The following PCDHGA3 variants were observed in gnomAD, a reference collection of about 807,000 sequenced individuals.
PCDHGA3 encodes protocadherin gamma subfamily A, 3, also known as protocadherin gamma-A3.
A neutral mutation model predicts 58.5 loss-of-function variants in PCDHGA3; 40 were observed. The observed-to-expected ratio is 0.68, with a 90% CI of 0.53 to 0.89. The LOEUF is 0.89. Among genes scored for constraint, PCDHGA3 ranks in the 40% least tolerant of loss-of-function variants. The probability of loss-of-function intolerance (pLI) is 0.00; values close to 1 mark genes in which losing one functional copy is unlikely to be tolerated. For missense variants in PCDHGA3, 1,223 were observed against 1,195.9 expected, an observed-to-expected ratio of 1.02 and a Z score of -0.33; for synonymous variants, 530 against 525.7, an observed-to-expected ratio of 1.01 and a Z score of -0.11.
chr5:141,389,790 G>C (rs1328126483), intron 1 of PCDHGA3: 1 of 1,613,470 alleles, frequency 6.2e-7, no homozygotes, highest in South Asian at 1.1e-5. Context: ...CAGGGACGCC[G>C]TCCGCCAGCG....
At chr5:141,356,726 C>G (rs1209862693) in intron 1 of PCDHGA3, 5 of 1,614,024 alleles carry the variant, frequency 3.1e-6, no homozygotes, top group Admixed American at 1.7e-5. Flanking sequence ...TCCATCAACT[C>G]CAATACAGGG....
chr5:141,499,418 A>G (rs143234735), intron 2 of PCDHGA3, among the ~76,000 whole-genome samples: 1 of 152,296 alleles, frequency 6.6e-6, no homozygotes, highest in East Asian at 1.9e-4. Context: ...GAAACATGAA[A>G]AATAGAAAAA....
At chr5:141,366,832 G>C in intron 1 of PCDHGA3, 1 of 1,518,404 alleles carries the variant, frequency 6.6e-7, no homozygotes, top group South Asian at 1.3e-5. Flanking sequence ...TTCAGAATCA[G>C]CTAGTTATGT....
Position 141,405,224 on chromosome 5 carries a change from T to C in PCDHGA3, c.2424+58767T>C, listed in dbSNP as rs542102197. Reference sequence around the variant, plus strand: ...CCTACAGACCTATTCTCAGGAGTTCTCCCTCACCGCTGACTCAAGGAAGAG... The same window carrying C: ...CCTACAGACCTATTCTCAGGAGTTCCCCCTCACCGCTGACTCAAGGAAGAG... On this transcript the variant is annotated intron_variant, in intron 1 of 3. Coordinates refer to ENST00000253812, the MANE Select transcript of PCDHGA3 (RefSeq NM_018916.4). The C allele has an allele frequency of 2.6e-5, 42 of 1,614,036 alleles. No homozygotes were observed. The African/African-American group carries it at 4.7e-4, about 18-fold the overall frequency.
Position 141,351,853 on chromosome 5 carries a change from G to C in PCDHGA3, c.2424+5396G>C, listed in dbSNP as rs563575027. ...CCTTCGAGCTCACACTGCAGGCCAG[G>C]GACCAGGGCTCCCCCGCGCTCAGCG... On this transcript the variant is annotated intron_variant, in intron 1 of 3. Transcript: ENST00000253812. 682 of 1,613,028 alleles carry C rather than the reference G, an allele frequency of 4.2e-4. 6 individuals are homozygous for C. The Middle Eastern group carries it at 7.5e-3, about 18-fold the overall frequency.
intron 2 of PCDHGA3, among the ~76,000 whole-genome samples, chr5:141,498,394 A>G (rs1043900807): frequency 6.6e-6 from 1 of 152,096 alleles, no homozygotes; most frequent in Non-Finnish European, 1.5e-5. Flanking sequence ...AGGGAATGGC[A>G]GGGAGTTTTC....
At chr5:141,509,805 G>A (rs150684746) in intron 3 of PCDHGA3, among the ~76,000 whole-genome samples, 2 of 152,248 alleles carry the variant, frequency 1.3e-5, no homozygotes, top group Middle Eastern at 3.4e-3. Flanking sequence ...GCTTCATAGA[G>A]CCGAGCTCTT....
At chr5:141,471,492 G>A (rs912591449) in intron 1 of PCDHGA3, 1 of 152,176 alleles carries the variant, frequency 6.6e-6, no homozygotes, top group Non-Finnish European at 1.5e-5. Context: ...GGAATTTAGG[G>A]AATGCAAGAG....
At chr5:141,416,287 T>A (rs2096012467) in intron 1 of PCDHGA3, 1 of 152,276 alleles carries the variant, frequency 6.6e-6, no homozygotes, top group Admixed American at 6.5e-5. Flanking sequence ...ATTCTCTAAT[T>A]TCACACTGCT....
intron 1 of PCDHGA3, among the ~76,000 whole-genome samples, chr5:141,401,638 TA>T (rs2094176765): frequency 1.3e-5 from 2 of 152,242 alleles, no homozygotes; most frequent in South Asian, 4.1e-4. Context: ...TTTGGAGCTT[TA>T]AATATAAATG....
chr5:141,384,450 G>T (rs756281053), intron 1 of PCDHGA3: 1 of 1,614,042 alleles, frequency 6.2e-7, no homozygotes, highest in South Asian at 1.1e-5. Context: ...TGTACGCGCT[G>T]CAATCCTTTG....
At chr5:141,492,008 G>A (rs1201433644) in intron 1 of PCDHGA3, 21 of 616,588 alleles carry the variant, frequency 3.4e-5, no homozygotes, top group Admixed American at 2.9e-4. Flanking sequence ...CGATTTCCGC[G>A]GGTGTCGGGG....
intron 1 of PCDHGA3, chr5:141,384,091 A>G: frequency 3.1e-6 from 5 of 1,595,856 alleles, no homozygotes; most frequent in South Asian, 1.1e-5. Flanking sequence ...AGAAAAATCA[A>G]TAGATAATTA....
intron 1 of PCDHGA3, chr5:141,365,296 G>A: frequency 1.2e-6 from 2 of 1,614,002 alleles, no homozygotes; most frequent in Non-Finnish European, 1.7e-6. Context: ...TGGTAGCTCA[G>A]GATGGAGGCG....
intron 1 of PCDHGA3, chr5:141,355,716 C>T (rs886273708): frequency 6.2e-6 from 10 of 1,613,994 alleles, no homozygotes; most frequent in Non-Finnish European, 8.5e-6. Flanking sequence ...GTTACCAGCT[C>T]AACTCAAACG....
At chr5:141,478,169 G>T in intron 1 of PCDHGA3, 1 of 1,613,834 alleles carries the variant, frequency 6.2e-7, no homozygotes, top group Non-Finnish European at 8.5e-7. Flanking sequence ...TGCCCCCCGG[G>T]AGCAGAAAAA....
In PCDHGA3 at chr5:141,487,128, G is replaced by T. The variant is rs565927415; in HGVS notation, c.2425-7679G>T. On this transcript the variant is annotated intron_variant, in intron 1 of 3. Transcript: ENST00000253812. This position sits in a 1 kb window ranked among gnomAD's most constrained non-coding sequence, Gnocchi z 5.0. ...GTCATTGTGGTAAAGGATAGTGGTA[G>T]TCCACCACTCTCTACCTCTGTTACT... The T allele has an allele frequency of 6.3e-5, 102 of 1,614,086 alleles. No individual in the cohort carries two copies. The South Asian group carries it at 7.7e-4, about 12-fold the overall frequency.
intron 1 of PCDHGA3, chr5:141,370,230 C>T (rs1002647727): frequency 3.7e-5 from 22 of 587,906 alleles, no homozygotes; most frequent in African/African-American, 5.6e-5. Context: ...GCAGCCAGCT[C>T]GGAAGAAAAG....
rs2099697431 is a variant in PCDHGA3 at position 141,490,222 on chromosome 5, C to T, written c.2425-4585C>T. The T allele has an allele frequency of 6.2e-7, 1 of 1,614,094 alleles. No homozygotes were observed. Among genetic ancestry groups the T allele is most frequent in the African/African-American group, 1.3e-5 (1 of 74,934 alleles). On this transcript the variant is annotated intron_variant, in intron 1 of 3. Coordinates refer to ENST00000253812, the MANE Select transcript of PCDHGA3 (RefSeq NM_018916.4). This position sits in a 1 kb window ranked among gnomAD's most constrained non-coding sequence, Gnocchi z 5.4. The stretch of plus-strand genomic sequence containing the variant: ...TGCAAGAGCCCGTGACCAGGGACAG[C>T]CTGCCATGGAGGGCCACTGTGTGAT...
Sources: allele counts gnomAD v4.1 joint callset (sites outside exome capture counted in the v4.1 genomes callset), GRCh38; gene constraint gnomAD v4.1.1; non-coding constraint Gnocchi (gnomAD v3.1); transcripts MANE v1.5; gene names NCBI Gene and HGNC (gene_info 2026-07-23, HGNC 2026-07-21).